Variants in ZAN observed in about 807,000 individuals in gnomAD.
The protein encoded by ZAN is zonadhesin (gene/pseudogene).
A neutral mutation model predicts 286.2 loss-of-function variants in ZAN; 260 were observed. The ratio of observed to expected loss-of-function variants is 0.91; its 90% CI spans 0.82 to 1.01. ZAN has a LOEUF of 1.01. Ranked by LOEUF, ZAN falls within the 50% of genes least tolerant of loss-of-function variation. ZAN has a pLI of 0.00. For missense variants in ZAN, 3,410 were observed against 3,639.2 expected (o/e 0.94, Z 1.62); for synonymous variants, 1,368 against 1,417.5 (o/e 0.97, Z 0.79).
intron 39 of ZAN, among the ~76,000 whole-genome samples, 194 bp downstream of exon 39, chr7:100,789,541 G>C (rs1811798558): frequency 6.6e-6 from 1 of 152,188 alleles, no homozygotes; most frequent in South Asian, 2.1e-4. Context: ...TGGGTGCTGT[G>C]GCACTGGCCA....
chr7:100,737,828 A>G (rs2115598712), intron 6 of ZAN, among the ~76,000 whole-genome samples: 2 of 136,712 alleles, frequency 1.5e-5, no homozygotes, highest in Middle Eastern at 7.2e-3. Flanking sequence ...TCGGCCCAGC[A>G]CAGTGGCTCA....
chr7:100,776,312 T>A, intron 33 of ZAN, 128 bp from the exon 34 acceptor site: 1 of 1,278,568 alleles, frequency 7.8e-7, no homozygotes, highest in Middle Eastern at 2.6e-4. Flanking sequence ...GAGTGAAACT[T>A]GAAGGAAGGG....
At chr7:100,751,075 C>T (rs1442932869) in intron 12 of ZAN, 107 bp from the exon 13 acceptor site, 3 of 1,343,524 alleles carry the variant, frequency 2.2e-6, no homozygotes, top group Non-Finnish European at 3.0e-6. Context: ...GAGGCTGGAA[C>T]AAGGCGACAT....
chr7:100,760,710 G>A (rs1175646606), intron 19 of ZAN, among the ~76,000 whole-genome samples, 174 bp downstream of exon 19: 1 of 152,102 alleles, frequency 6.6e-6, no homozygotes, highest in East Asian at 1.9e-4. Context: ...GATCCCTTTG[G>A]ACCAGGAGAC....
At position 100,765,567 on chromosome 7, in the gene ZAN, G is replaced by T. The variant is rs754827349; in HGVS notation, c.4470+13G>T. 1.3e-6 allele frequency: 2 copies of T among 1,587,310 alleles called. No homozygotes were observed. The highest frequency in any genetic ancestry group is 1.7e-6 in the Non-Finnish European group (2 of 1,167,572). Reference sequence around the variant, plus strand: ...CAGCTACTTCAAGGTGAGCGGCTGCGTGGACCTCTCAGCCCTGCAGCTAGA... The same window carrying T: ...CAGCTACTTCAAGGTGAGCGGCTGCTTGGACCTCTCAGCCCTGCAGCTAGA... On this transcript the variant is annotated intron_variant, in intron 23 of 47. Transcript: ENST00000613979.
chr7:100,767,502 G>T (rs1303085456), intron 25 of ZAN, among the ~76,000 whole-genome samples: 4 of 139,174 alleles, frequency 2.9e-5, no homozygotes, highest in African/African-American at 5.5e-5. Context: ...TTGAGACAGG[G>T]TCTTGCTCTA....
chr7:100,785,998 T>C lies in ZAN; in HGVS notation c.6836T>C (p.Leu2279Pro). The change falls in exon 37 of 48, where the codon CTG becomes CCG. Residue 2279 changes from leucine (L) to proline (P), a missense_variant and splice_region_variant. By Grantham distance (98) the Leu-to-Pro change is moderately conservative. Around this residue, in one of 7 missense-constraint regions of ZAN, gnomAD observed 1,289 missense variants for 1,314.3 expected, o/e 0.98. Transcript: ENST00000613979. ...TTTCTCTTCCTGTAACTTCTACAGCTGGGCAAGAGCTGGGTCTCCAGCGGT... is the reference window on the plus strand; with the variant it reads ...TTTCTCTTCCTGTAACTTCTACAGCCGGGCAAGAGCTGGGTCTCCAGCGGT... ...CKDAHGGSIPLGKSWVSSGCT... is the reference protein window; with the variant it reads ...CKDAHGGSIPPGKSWVSSGCT... 6.2e-7 allele frequency: 1 copy of C among 1,613,398 alleles called. No individual in the cohort carries two copies. The highest frequency in any genetic ancestry group is 8.5e-7 in the Non-Finnish European group (1 of 1,179,716).
chr7:100,743,508 G>A (rs1003909669), intron 7 of ZAN, among the ~76,000 whole-genome samples: 3 of 152,050 alleles, frequency 2.0e-5, no homozygotes, highest in Non-Finnish European at 2.9e-5. Flanking sequence ...GCCAAGCACT[G>A]TAGGTCAAGC....
At position 100,765,447 on chromosome 7, in the gene ZAN, C is replaced by T. The variant is rs1031058831; in HGVS notation, c.4363C>T (p.Arg1455Trp). The T allele has an allele frequency of 4.3e-6, 7 of 1,613,802 alleles. No individual in the cohort carries two copies. Among genetic ancestry groups the T allele is most frequent in the South Asian group, 3.3e-5 (3 of 91,030 alleles). Residue 1455 changes from arginine (R) to tryptophan (W), a missense_variant, in exon 23 of 48, where the codon CGG becomes TGG. Physicochemically the swap from Arg to Trp is moderately radical, Grantham distance 101. Around this residue, in one of 7 missense-constraint regions of ZAN, gnomAD observed 1,042 missense variants for 1,058.0 expected, o/e 0.98. Transcript: ENST00000613979. Reference sequence around the variant, plus strand: ...ATTCTCCGGCATGTTCTGCTCAGACCGGTGCGTGGAGGCCTGTGAATGCAA... The same window carrying T: ...ATTCTCCGGCATGTTCTGCTCAGACTGGTGCGTGGAGGCCTGTGAATGCAA... Reference protein sequence around the residue: ...SGFSGMFCSDRCVEACECNPG... With the variant: ...SGFSGMFCSDWCVEACECNPG...
intron 37 of ZAN, among the ~76,000 whole-genome samples, 188 bp downstream of exon 37, chr7:100,786,329 C>T (rs563557462): frequency 1.6e-4 from 24 of 152,356 alleles, no homozygotes; most frequent in African/African-American, 5.8e-4. Flanking sequence ...GTGCCAGGTC[C>T]TGATCCCCTC....
intron 6 of ZAN, among the ~76,000 whole-genome samples, chr7:100,737,872 T>G (rs1010979805): frequency 7.1e-6 from 1 of 139,952 alleles, no homozygotes; most frequent in African/African-American, 2.6e-5. Flanking sequence ...GAGGCCAAGG[T>G]GGGAGGATGG....
intron 42 of ZAN, among the ~76,000 whole-genome samples, chr7:100,793,419 T>C (rs1812129386): frequency 6.6e-6 from 1 of 152,146 alleles, no homozygotes; most frequent in Non-Finnish European, 1.5e-5. Context: ...CCTGCCTATA[T>C]GCAACGCTGA....
At chr7:100,771,462 T>C (rs11772464) in intron 28 of ZAN, among the ~76,000 whole-genome samples, 38,418 of 150,260 alleles carry the variant, frequency 0.26, 5,184 homozygotes, top group Non-Finnish European at 0.29. Flanking sequence ...GACGGAGTCT[T>C]GATCTGTTGC....
intron 35 of ZAN, among the ~76,000 whole-genome samples, chr7:100,783,733 CAAAAAAAAAAAAA>C (rs67004319): frequency 1.8e-4 from 2 of 11,240 alleles, no homozygotes; most frequent in African/African-American, 2.8e-4. Flanking sequence ...CCGTCCCCCG[CAAAAAAAAAAAAA>C]AAAAAAAAAA....
chr7:100,795,163 G>A, intron 44 of ZAN, 33 bp from the exon 45 acceptor site: 1 of 1,591,918 alleles, frequency 6.3e-7, no homozygotes, highest in Non-Finnish European at 8.6e-7. Context: ...TCCTCCCAGG[G>A]CCCCCCTCCC....
intron 35 of ZAN, among the ~76,000 whole-genome samples, chr7:100,780,297 G>GT (rs1043542735): frequency 3.8e-4 from 57 of 151,696 alleles, no homozygotes; most frequent in South Asian, 1.0e-3. Flanking sequence ...ATTCAATAGA[G>GT]TTTTTTTTAA....
chr7:100,754,194 C>G (rs1033260511), intron 14 of ZAN, among the ~76,000 whole-genome samples: 1 of 152,080 alleles, frequency 6.6e-6, no homozygotes, highest in African/African-American at 2.4e-5. Context: ...CACGGTGGCT[C>G]ACGCCTGTAA....
chr7:100,786,050 AG>A lies in ZAN; in HGVS notation c.6890del (p.Gly2297GlufsTer57). 2 of 1,613,974 alleles carry A rather than the reference AG, an allele frequency of 1.2e-6. No homozygotes were observed. The highest frequency in any genetic ancestry group is 2.2e-5 in the South Asian group (2 of 91,086). On this transcript the variant is annotated frameshift_variant, in exon 37 of 48. Coordinates refer to ENST00000613979, the MANE Select transcript of ZAN (RefSeq NM_003386.3). LOFTEE classifies it high-confidence loss of function. ...GCACGGAGAAGTGTGTCTGCACGGG[AG>A]GAGCCATTCAGTGCGGGGACTTCCG... ...GCTEKCVCTG[G>X]AIQCGDFRCP...
At chr7:100,747,464 T>A in intron 8 of ZAN, 86 bp from the exon 9 acceptor site, 1 of 1,088,194 alleles carries the variant, frequency 9.2e-7, no homozygotes. Context: ...AGCTATGCCC[T>A]CTGCTCCTCA....
Sources: gnomAD v4.1 joint callset for allele counts (sites outside exome capture counted in the v4.1 genomes callset) on GRCh38, gnomAD v4.1.1 for gene constraint, gnomAD v4.1.1 regional missense constraint, MANE v1.5 for transcripts, NCBI Gene and HGNC (gene_info 2026-07-23, HGNC 2026-07-21) for gene names.